The following CELSR1 variants were observed in gnomAD, a reference collection of about 807,000 sequenced individuals.
CELSR1 encodes the protein adhesion G protein-coupled receptor C1.
Under a neutral mutation model 249.1 loss-of-function variants are expected in CELSR1, and 110 were observed. The observed-to-expected ratio is 0.44, with a 90% CI of 0.38 to 0.52. The LOEUF (loss-of-function observed/expected upper bound fraction) is 0.52. Among genes scored for constraint, CELSR1 ranks in the 20% least tolerant of loss-of-function variants. The pLI is 0.00. For synonymous variants in CELSR1, 2,113 were observed against 1,900.0 expected (o/e 1.11, Z -2.92); for missense variants, 4,109 against 4,296.4 (o/e 0.96, Z 1.22).
chr22:46,432,201 G>A (rs569962772), intron 5 of CELSR1, among the ~76,000 whole-genome samples: 1 of 152,194 alleles, frequency 6.6e-6, no homozygotes, highest in African/African-American at 2.4e-5. Context: ...TGGGAGGGGC[G>A]GGCCAGGGAG....
Position 46,411,896 on chromosome 22 carries a change from C to T in CELSR1, c.4612-137G>A. The T allele has an allele frequency of 9.5e-7, 1 of 1,052,808 alleles. No individual in the cohort carries two copies. The highest frequency in any genetic ancestry group is 1.4e-6 in the Non-Finnish European group (1 of 714,338). The allele number at this position is 1,052,808 out of a possible 1,614,324, so 65.2% of individuals were successfully genotyped here. On this transcript the variant is annotated intron_variant, in intron 5 of 34. Transcript: ENST00000674500. This position sits in a 1 kb window ranked among gnomAD's most constrained non-coding sequence, Gnocchi z 4.2. ...TAGACAAGGGATGAGGAGCCCCCGG[C>T]CTTTAGTTCCCCAAACTAGCTGTGC...
chr22:46,383,528 G>A (rs1875116305), intron 20 of CELSR1, among the ~76,000 whole-genome samples: 1 of 152,170 alleles, frequency 6.6e-6, no homozygotes, highest in Non-Finnish European at 1.5e-5. Context: ...CTATTTAGAA[G>A]CAGCTTTCCC....
At chr22:46,496,910 A>ATAG (rs1705875154) in intron 1 of CELSR1, among the ~76,000 whole-genome samples, 1 of 152,172 alleles carries the variant, frequency 6.6e-6, no homozygotes. Flanking sequence ...AATAAAGAGT[A>ATAG]TAGTACAGTA....
chr22:46,422,078 CT>C (rs1344569628), intron 5 of CELSR1, among the ~76,000 whole-genome samples: 1 of 151,560 alleles, frequency 6.6e-6, no homozygotes, highest in African/African-American at 2.4e-5. Flanking sequence ...CTTACATATT[CT>C]GTATATCCAA....
At chr22:46,368,528 C>A (rs1442850777) in intron 27 of CELSR1, among the ~76,000 whole-genome samples, 1 of 152,062 alleles carries the variant, frequency 6.6e-6, no homozygotes, top group East Asian at 1.9e-4. Context: ...TGACACCCAG[C>A]CCCTGCGCAA....
rs1049973020 is a variant in CELSR1 at position 46,516,553 on chromosome 22, C to T, written c.3544+17074G>A. Among the ~76,000 whole-genome samples, 5 of 152,008 alleles carry T rather than the reference C, an allele frequency of 3.3e-5. No homozygotes were observed. The East Asian group carries it at 7.7e-4, about 23-fold the overall frequency. Reference sequence around the variant, plus strand: ...CAGGGTCTCGCCATGTTGCCCAGGCCGGTCTTGAACTCCTGGCCTCAAGCA... The same window carrying T: ...CAGGGTCTCGCCATGTTGCCCAGGCTGGTCTTGAACTCCTGGCCTCAAGCA... On this transcript the variant is annotated intron_variant, in intron 1 of 34. Transcript: ENST00000674500.
intron 1 of CELSR1, among the ~76,000 whole-genome samples, chr22:46,531,601 G>A (rs960279208): frequency 5.9e-5 from 9 of 152,216 alleles, no homozygotes; most frequent in East Asian, 1.9e-4. Flanking sequence ...AGGGGAATGC[G>A]AAGAGCGGGC....
chr22:46,384,454 C>A (rs951018700), intron 20 of CELSR1, 89 bp downstream of exon 20: 4 of 1,424,964 alleles, frequency 2.8e-6, no homozygotes. Context: ...ATCTTCAGTG[C>A]GCAGGTCCTG....
rs2079097112 is a variant in CELSR1, at chr22:46,391,898, C to A, written c.5965-82G>T. 2 of 1,423,010 alleles carry A rather than the reference C, an allele frequency of 1.4e-6. No homozygotes were observed. The highest frequency in any genetic ancestry group is 1.9e-6 in the Non-Finnish European group (2 of 1,050,988). 88.1% of individuals were successfully genotyped at this position (1,423,010 alleles called of 1,614,324 possible). ...TGCAGCGTGTTTCCCGAGCGACGTC[C>A]AGACTCCCACCCGGGTGTGTGTGTT... On this transcript the variant is annotated intron_variant, in intron 14 of 34. Transcript: ENST00000674500. The surrounding 1 kb of genome is among the most constrained non-coding windows in gnomAD (Gnocchi z 4.3).
Position 46,363,879 on chromosome 22 carries a change from G to C in CELSR1, c.9035+117C>G. ...CCCCATCCCCGCCTGGGCTTCCTCT[G>C]CACTCAGGGCTCCAGGTGAGGTGGG... On this transcript the variant is annotated intron_variant, in intron 34 of 34. Transcript: ENST00000674500. This position sits in a 1 kb window ranked among gnomAD's most constrained non-coding sequence, Gnocchi z 4.3. The C allele has an allele frequency of 7.4e-7, 1 of 1,347,130 alleles. No homozygotes were observed. Among genetic ancestry groups the C allele is most frequent in the Non-Finnish European group, 9.8e-7 (1 of 1,020,956 alleles). 83.4% of individuals were successfully genotyped at this position (1,347,130 alleles called of 1,614,324 possible). A position where few individuals can be genotyped will look rare whatever the true frequency, so the allele number is the denominator to read the frequency against.
At chr22:46,365,099 C>T (rs1174842088) in intron 32 of CELSR1, 132 bp downstream of exon 32, 1 of 1,294,514 alleles carries the variant, frequency 7.7e-7, no homozygotes, top group Non-Finnish European at 1.0e-6. Context: ...TCCCCCCACC[C>T]CAGGCTGTCC....
At chr22:46,379,320 C>A (rs1213682127) in intron 22 of CELSR1, among the ~76,000 whole-genome samples, 5 of 152,170 alleles carry the variant, frequency 3.3e-5, no homozygotes, top group Non-Finnish European at 5.9e-5. Flanking sequence ...CAGCTTCAGA[C>A]AGGGCCCTGC....
chr22:46,390,480 G>T lies in CELSR1; in HGVS notation c.6257C>A (p.Ala2086Glu), dbSNP rs775021743. ...CTTCTCCCCGCTGCAGTGTCGGACC[G>T]CATTTCCTGGGGAAGGAGAGCAGGT... ...VPCPKGSVGN[A>E]VRHCSGEKGW... Residue 2086 changes from alanine to glutamate, a missense_variant, in exon 17 of 35, where the codon GCG (alanine) becomes GAG (glutamate). This residue lies in a region of CELSR1 where 1,805 missense variants were observed against 1,831.6 expected (regional missense o/e 0.99). Transcript: ENST00000674500. The surrounding 1 kb of genome is among the most constrained non-coding windows in gnomAD (Gnocchi z 6.3). 3.7e-6 allele frequency: 6 copies of T among 1,613,002 alleles called. No individual in the cohort carries two copies.
chr22:46,536,581 C>A lies in CELSR1; in HGVS notation c.590G>T (p.Gly197Val). 1 of 1,214,566 alleles carries A rather than the reference C, an allele frequency of 8.2e-7. No individual in the cohort carries two copies. Among genetic ancestry groups the A allele is most frequent in the South Asian group, 3.8e-5 (1 of 26,250 alleles). The allele number at this position is 1,214,566 out of a possible 1,614,324, so 75.2% of individuals were successfully genotyped here. The change falls in exon 1 of 35, where the codon GGA becomes GTA. Residue 197 changes from glycine to valine, a missense_variant. Physicochemically the swap from Gly to Val is moderately radical, Grantham distance 109. Transcript: ENST00000674500. ...LRRAAGAVRV[G>V]LALEAATAGT... ...CGCGGTGGCGGCCTCCAGCGCCAGT[C>A]CCACCCGGACGGCGCCAGCCGCGCG...
Position 46,397,746 on chromosome 22 carries a change from T to G in CELSR1, c.5629A>C (p.Thr1877Pro), listed in dbSNP as rs1602077430. 1 of 1,592,808 alleles carries G rather than the reference T, an allele frequency of 6.3e-7. No homozygotes were observed. The highest frequency in any genetic ancestry group is 8.6e-7 in the Non-Finnish European group (1 of 1,169,182). ...CTATTGGGGGGACAGGGGCTCGAGG[T>G]ACAGGGGTCGTCCACATCACAGCCG... ...KDGCDVDDPC[T>P]SSPCPPNSRC... is the part of the protein sequence containing the mutation. The change falls in exon 12 of 35, where the codon ACC (threonine) becomes CCC (proline). Residue 1877 changes from threonine (T) to proline (P), a missense_variant. This residue lies in a region of CELSR1 where 1,805 missense variants were observed against 1,831.6 expected (regional missense o/e 0.99). Coordinates refer to ENST00000674500, the MANE Select transcript of CELSR1 (RefSeq NM_001378328.1).
At chr22:46,491,104 C>T (rs1224987669) in intron 1 of CELSR1, among the ~76,000 whole-genome samples, 1 of 152,024 alleles carries the variant, frequency 6.6e-6, no homozygotes, top group African/African-American at 2.4e-5. Context: ...ATGGCCAGGA[C>T]ACAGAGCAGC....
intron 1 of CELSR1, among the ~76,000 whole-genome samples, chr22:46,465,117 T>C (rs1006774269): frequency 4.6e-5 from 7 of 151,968 alleles, no homozygotes; most frequent in South Asian, 2.1e-4. Flanking sequence ...AGGCCCAGAA[T>C]TGGATGAGAC....
rs73890435 is a variant in CELSR1 at position 46,446,447 on chromosome 22, G to A, written c.4184-7036C>T. Among the ~76,000 whole-genome samples, 5,542 of 152,250 alleles carry A rather than the reference G, an allele frequency of 0.036. 351 individuals are homozygous for A. The highest frequency in any genetic ancestry group is 0.12 in the African/African-American group (5,157 of 41,520). On this transcript the variant is annotated intron_variant, in intron 2 of 34. Transcript: ENST00000674500. This position sits in a 1 kb window ranked among gnomAD's most constrained non-coding sequence, Gnocchi z 5.5. ...CAGCTCCACATCCAGCCCTGCTTGT[G>A]CGATGGTTCCCCCGTGTGTTTCTCT... is the stretch of plus-strand genomic sequence containing the variant.
Position 46,407,732 on chromosome 22 carries a change from A to G in CELSR1, c.5226+1264T>C, listed in dbSNP as rs1480054757. 6.6e-6 allele frequency among the ~76,000 whole-genome samples: 1 copy of G among 152,216 alleles called. No individual in the cohort carries two copies. The highest frequency in any genetic ancestry group is 1.9e-4 in the East Asian group (1 of 5,202). On this transcript the variant is annotated intron_variant, in intron 9 of 34. Coordinates refer to ENST00000674500, the MANE Select transcript of CELSR1 (RefSeq NM_001378328.1). This position sits in a 1 kb window ranked among gnomAD's most constrained non-coding sequence, Gnocchi z 4.8. ...TCAAGACAGAGCGCCCTGCTCAGGC[A>G]CGGCTCCCACAGGCCACTCCCGTGC...
Sources: allele counts gnomAD v4.1 joint callset (sites outside exome capture counted in the v4.1 genomes callset), GRCh38; gene constraint gnomAD v4.1.1; regional missense constraint gnomAD v4.1.1; non-coding constraint Gnocchi (gnomAD v3.1); transcripts MANE v1.5; gene names NCBI Gene and HGNC (gene_info 2026-07-23, HGNC 2026-07-21).